The following MINDY2 variants were observed in gnomAD, a reference collection of about 807,000 sequenced individuals.
The protein encoded by MINDY2 is ubiquitin carboxyl-terminal hydrolase MINDY-2.
In MINDY2, 52 loss-of-function variants were observed where a neutral mutation model predicts 68.2. The ratio of observed to expected loss-of-function variants is 0.76; its 90% CI spans 0.61 to 0.96. MINDY2 has a LOEUF of 0.96. Among genes scored for constraint, MINDY2 ranks in the 40% least tolerant of loss-of-function variants. The pLI, the probability that MINDY2 is intolerant of heterozygous loss-of-function variation, is 0.00. For missense variants in MINDY2, 881 were observed against 773.4 expected, an observed-to-expected ratio of 1.14 and a Z score of -1.65; for synonymous variants, 372 against 303.0, an observed-to-expected ratio of 1.23 and a Z score of -2.36.
At chr15:58,782,372 A>T (rs1260589370) in intron 1 of MINDY2, among the ~76,000 whole-genome samples, 4 of 152,198 alleles carry the variant, frequency 2.6e-5, no homozygotes, top group African/African-American at 9.7e-5. Context: ...GCAAAAATAG[A>T]CTGCAAAATA....
chr15:58,849,465 A>G (rs999798295), intron 7 of MINDY2, among the ~76,000 whole-genome samples: 2 of 152,212 alleles, frequency 1.3e-5, no homozygotes, highest in Non-Finnish European at 2.9e-5. Context: ...AGATGACGCC[A>G]CTGCACTCCA....
chr15:58,808,342 T>G lies in MINDY2; in HGVS notation c.964-1888T>G, dbSNP rs1419404096. Among the ~76,000 whole-genome samples, 7 of 152,320 alleles carry G rather than the reference T, an allele frequency of 4.6e-5. No individual in the cohort carries two copies. In the South Asian group the frequency reaches 1.2e-3, roughly 27 times the overall value. On this transcript the variant is annotated intron_variant, in intron 3 of 8. Coordinates refer to ENST00000559228, the MANE Select transcript of MINDY2 (RefSeq NM_001040450.3). ...ATCATACAGAATAGTTTCACTGTCC[T>G]AAAAGTTCTCTGTACTCTGCCTGTT...
At chr15:58,847,734 T>C (rs1478845211) in intron 7 of MINDY2, among the ~76,000 whole-genome samples, 2 of 152,220 alleles carry the variant, frequency 1.3e-5, no homozygotes, top group African/African-American at 4.8e-5. Context: ...CTATGTCAAG[T>C]ATTAAACACA....
At chr15:58,813,789 C>T (rs886252288) in intron 4 of MINDY2, among the ~76,000 whole-genome samples, 5 of 151,732 alleles carry the variant, frequency 3.3e-5, no homozygotes, top group Admixed American at 1.3e-4. Context: ...ACTAGATTAC[C>T]TGTAGAAAAG....
Position 58,771,555 on chromosome 15 carries a change from C to A in MINDY2, c.160C>A (p.Leu54Met). The A allele has an allele frequency of 6.2e-7, 1 of 1,610,806 alleles. No homozygotes were observed. The highest frequency in any genetic ancestry group is 8.5e-7 in the Non-Finnish European group (1 of 1,179,452). Reference sequence around the variant, plus strand: ...GGCGGAGACCAGCGGCGGGAATGGGCTGGGGGCGGCGGCCGCCAGGAGGAG... The same window carrying A: ...GGCGGAGACCAGCGGCGGGAATGGGATGGGGGCGGCGGCCGCCAGGAGGAG... ...WAAETSGGNG[L>M]GAAAARRSLP... The change falls in exon 1 of 9, where the codon CTG becomes ATG. Residue 54 changes from leucine (L) to methionine (M), a missense_variant. Leu to Met is a conservative substitution (Grantham distance 15). Coordinates refer to ENST00000559228, the MANE Select transcript of MINDY2 (RefSeq NM_001040450.3).
At chr15:58,789,751 G>C (rs1247588858) in intron 2 of MINDY2, among the ~76,000 whole-genome samples, 1 of 152,122 alleles carries the variant, frequency 6.6e-6, no homozygotes, top group East Asian at 1.9e-4. Context: ...GGGTTCAAGT[G>C]ATTCTCCTGC....
intron 1 of MINDY2, among the ~76,000 whole-genome samples, chr15:58,774,392 G>A (rs1432886744): frequency 2.0e-5 from 3 of 151,088 alleles, no homozygotes; most frequent in Non-Finnish European, 2.9e-5. Context: ...GTTGAGGCAG[G>A]AGAATCTCTT....
intron 1 of MINDY2, among the ~76,000 whole-genome samples, chr15:58,776,471 G>T (rs1399790288): frequency 6.6e-6 from 1 of 152,140 alleles, no homozygotes. Context: ...TAGAAATAGG[G>T]CAATGTCATG....
At position 58,858,981 on chromosome 15, in the gene MINDY2, G is replaced by A. The variant is rs1476580685; in HGVS notation, c.*4371G>A. The stretch of plus-strand genomic sequence containing the variant: ...AGTGTTTTGCACTCCTGAATAAAGG[G>A]CATAGTATAAGCACAAAGTATGACT... On this transcript the variant is annotated 3_prime_UTR_variant, in exon 9 of 9. Transcript: ENST00000559228. The A allele has an allele frequency of 6.6e-6, 1 of 152,074 alleles. No individual in the cohort carries two copies. The highest frequency in any genetic ancestry group is 2.4e-5 in the African/African-American group (1 of 41,426). The allele number at this position is 152,074 out of a possible 1,614,324, so 9.4% of individuals were successfully genotyped here.
Position 58,772,051 on chromosome 15 carries a change from A to T in MINDY2, c.656A>T (p.Lys219Met), listed in dbSNP as rs567151855. ...TTGCCCGGGGCTGTTCCTCTGTGCA[A>T]GGAGGAGGAGGGGGAGGAGACCGCT... ...AVLPGAVPLCKEEEGEETAQV... is the reference protein window; with the variant it reads ...AVLPGAVPLCMEEEGEETAQV... Residue 219 changes from lysine (K) to methionine (M), a missense_variant, in exon 1 of 9, where the codon AAG becomes ATG. Transcript: ENST00000559228. 4 of 1,606,852 alleles carry T rather than the reference A, an allele frequency of 2.5e-6. No individual in the cohort carries two copies. Among genetic ancestry groups the T allele is most frequent in the African/African-American group, 1.3e-5 (1 of 74,866 alleles).
chr15:58,839,282 A>G (rs2032159845), intron 6 of MINDY2, among the ~76,000 whole-genome samples: 1 of 152,012 alleles, frequency 6.6e-6, no homozygotes, highest in Non-Finnish European at 1.5e-5. Flanking sequence ...TAGATATTGT[A>G]TAGAAGCAGG....
chr15:58,796,047 A>G (rs2140940165), intron 2 of MINDY2: 1 of 454,800 alleles, frequency 2.2e-6, no homozygotes, highest in Admixed American at 2.4e-5. Context: ...AAACCGTGTC[A>G]CTGCAGTGAT....
intron 3 of MINDY2, among the ~76,000 whole-genome samples, chr15:58,803,399 C>T (rs896033247): frequency 2.7e-5 from 4 of 150,348 alleles, no homozygotes; most frequent in African/African-American, 7.4e-5. Flanking sequence ...TCCCAGGAGG[C>T]GGAAGTTGCA....
At chr15:58,778,830 T>G (rs1595698832) in intron 1 of MINDY2, among the ~76,000 whole-genome samples, 1 of 121,296 alleles carries the variant, frequency 8.2e-6, no homozygotes, top group Non-Finnish European at 1.7e-5. Context: ...TTTTTTTTTT[T>G]GAGACGGAAT....
intron 2 of MINDY2, among the ~76,000 whole-genome samples, chr15:58,795,696 G>A (rs1175474537): frequency 6.6e-6 from 1 of 152,138 alleles, no homozygotes; most frequent in Admixed American, 6.6e-5. Flanking sequence ...GAGCCACTGC[G>A]CCCAGCCTAT....
rs1430136740 is a variant in MINDY2 at position 58,856,790 on chromosome 15, A to G, written c.*2180A>G. On this transcript the variant is annotated 3_prime_UTR_variant, in exon 9 of 9. Transcript: ENST00000559228. ...ATTTGAATAAGAAAAACAAACCAGT[A>G]TACCTTGAGAAATTTTAAAAAGCAT... 2 of 152,266 alleles carry G rather than the reference A, an allele frequency of 1.3e-5. No homozygotes were observed. The highest frequency in any genetic ancestry group is 4.8e-5 in the African/African-American group (2 of 41,472). The allele number at this position is 152,266 out of a possible 1,614,324, so 9.4% of individuals were successfully genotyped here. A position where few individuals can be genotyped will look rare whatever the true frequency, so the allele number is the denominator to read the frequency against.
intron 6 of MINDY2, among the ~76,000 whole-genome samples, chr15:58,834,418 C>CCTCAAACCAGTGGTT (rs2031896734): frequency 6.6e-6 from 1 of 152,226 alleles, no homozygotes. Context: ...CTTCTACTCT[C>CCTCAAACCAGTGGTT]CTCAAACCAG....
chr15:58,831,597 T>C (rs1252877524), intron 5 of MINDY2, among the ~76,000 whole-genome samples, 177 bp from the exon 6 acceptor site: 7 of 152,226 alleles, frequency 4.6e-5, no homozygotes, highest in Non-Finnish European at 8.8e-5. Flanking sequence ...TGTATACACA[T>C]ATTTCATTGC....
Position 58,831,930 on chromosome 15 carries a change from A to G in MINDY2, c.1368+14A>G. 1 of 1,602,816 alleles carries G rather than the reference A, an allele frequency of 6.2e-7. No homozygotes were observed. Among genetic ancestry groups the G allele is most frequent in the Middle Eastern group, 1.7e-4 (1 of 6,002 alleles). On this transcript the variant is annotated intron_variant, in intron 6 of 8. Coordinates refer to ENST00000559228, the MANE Select transcript of MINDY2 (RefSeq NM_001040450.3). Reference sequence around the variant, plus strand: ...ACCAAATACAAGGTATGATATAGAAATAGCTATTTAATCGTGATTCTAAAT... The same window carrying G: ...ACCAAATACAAGGTATGATATAGAAGTAGCTATTTAATCGTGATTCTAAAT...
Sources: allele counts gnomAD v4.1 joint callset (sites outside exome capture counted in the v4.1 genomes callset), GRCh38; gene constraint gnomAD v4.1.1; transcripts MANE v1.5; gene names NCBI Gene and HGNC (gene_info 2026-07-23, HGNC 2026-07-21).